SNX29: variants seen among roughly 807,000 people sequenced by gnomAD.
SNX29 encodes sorting nexin 29.
Under a neutral mutation model 102.1 loss-of-function variants are expected in SNX29, and 78 were observed. That is an observed-to-expected ratio of 0.76 (90% CI 0.64 to 0.92). The LOEUF is 0.92. Among genes scored for constraint, SNX29 ranks in the 40% least tolerant of loss-of-function variants. The pLI is 0.00. For missense variants in SNX29, 1,280 were observed against 1,061.7 expected, an observed-to-expected ratio of 1.21 and a Z score of -2.86; for synonymous variants, 580 against 414.5, an observed-to-expected ratio of 1.40 and a Z score of -4.85.
At chr16:12,254,429 C>A (rs1342215358) in intron 14 of SNX29, among the ~76,000 whole-genome samples, 16 of 152,100 alleles carry the variant, frequency 1.1e-4, no homozygotes, top group Non-Finnish European at 1.6e-4. Context: ...GCGGGCAGAT[C>A]ACTTGGGGTC....
In SNX29 at chr16:12,096,859, A is replaced by C. The variant is rs1157686599; in HGVS notation, c.1402+17944A>C. Among the ~76,000 whole-genome samples the C allele has an allele frequency of 6.6e-6, 1 of 152,128 alleles. No individual in the cohort carries two copies. Among genetic ancestry groups the C allele is most frequent in the Non-Finnish European group, 1.5e-5 (1 of 68,018 alleles). On this transcript the variant is annotated intron_variant, in intron 11 of 20. Transcript: ENST00000566228. The surrounding 1 kb of genome is among the most constrained non-coding windows in gnomAD (Gnocchi z 4.2). ...AGACCCTGGATTCCTTGCTCCCAGGAGGGGAAGGAGGAACCGATGACAGCA... is the reference window on the plus strand; with the variant it reads ...AGACCCTGGATTCCTTGCTCCCAGGCGGGGAAGGAGGAACCGATGACAGCA...
chr16:12,229,373 T>C (rs1358829879), intron 14 of SNX29, among the ~76,000 whole-genome samples: 1 of 152,208 alleles, frequency 6.6e-6, no homozygotes, highest in Non-Finnish European at 1.5e-5. Flanking sequence ...CTGGTCTGGA[T>C]CTAAATGAAC....
At chr16:11,986,561 G>A (rs1019672763) in intron 1 of SNX29, among the ~76,000 whole-genome samples, 2 of 152,080 alleles carry the variant, frequency 1.3e-5, no homozygotes, top group Admixed American at 6.5e-5. Context: ...CCGTTTGAGC[G>A]TTTCTGCTTA....
At chr16:12,334,901 C>CTT (rs36176543) in intron 15 of SNX29, among the ~76,000 whole-genome samples, 4,086 of 93,644 alleles carry the variant, frequency 0.044, 207 homozygotes, top group African/African-American at 0.12. Context: ...GCCCCAGAGC[C>CTT]TTTTTTTTTT....
At chr16:12,088,873 A>AG (rs1423689368) in intron 11 of SNX29, among the ~76,000 whole-genome samples, 1 of 152,070 alleles carries the variant, frequency 6.6e-6, no homozygotes, top group Non-Finnish European at 1.5e-5. Context: ...ATTACTCTTG[A>AG]GGTCAGGAGT....
At chr16:12,228,623 C>G (rs990324405) in intron 14 of SNX29, among the ~76,000 whole-genome samples, 3 of 152,240 alleles carry the variant, frequency 2.0e-5, no homozygotes, top group African/African-American at 7.2e-5. Context: ...CTTGCAAAAC[C>G]CTGCCTGACT....
intron 13 of SNX29, among the ~76,000 whole-genome samples, chr16:12,171,382 C>T (rs573002821): frequency 6.6e-6 from 1 of 152,194 alleles, no homozygotes; most frequent in East Asian, 1.9e-4. Flanking sequence ...TTTGGATCAT[C>T]CTGAGTCAGA....
At chr16:12,184,827 G>C (rs181572452) in intron 13 of SNX29, among the ~76,000 whole-genome samples, 36 of 152,352 alleles carry the variant, frequency 2.4e-4, no homozygotes, top group Non-Finnish European at 1.9e-4. Context: ...AGCAGTGACA[G>C]ACAGCTTGAG....
At chr16:12,492,616 C>T (rs535035572) in intron 19 of SNX29, among the ~76,000 whole-genome samples, 3 of 152,162 alleles carry the variant, frequency 2.0e-5, no homozygotes, top group Non-Finnish European at 4.4e-5. Context: ...ATGCCTATGT[C>T]CTGAATGGTA....
At chr16:12,391,273 A>G (rs1296508273) in intron 16 of SNX29, among the ~76,000 whole-genome samples, 1 of 152,204 alleles carries the variant, frequency 6.6e-6, no homozygotes, top group Non-Finnish European at 1.5e-5. Context: ...TAAAGAGCTG[A>G]TACATACCAC....
At chr16:12,312,644 C>G (rs770915892) in intron 15 of SNX29, among the ~76,000 whole-genome samples, 4 of 151,864 alleles carry the variant, frequency 2.6e-5, no homozygotes, top group Non-Finnish European at 5.9e-5. Context: ...TCCTCAAGAA[C>G]CTTCTTTGCT....
chr16:12,013,173 C>T (rs1048603688), intron 3 of SNX29, among the ~76,000 whole-genome samples: 1 of 151,676 alleles, frequency 6.6e-6, no homozygotes, highest in African/African-American at 2.4e-5. Flanking sequence ...GAAATAATGT[C>T]ATGGCTCTAC....
intron 14 of SNX29, among the ~76,000 whole-genome samples, chr16:12,218,078 CTAT>C (rs138312345): frequency 0.069 from 10,466 of 152,072 alleles, 563 homozygotes; most frequent in South Asian, 0.29. Flanking sequence ...ATGGAAGGCT[CTAT>C]TATTTGCAAT....
At chr16:12,482,121 C>G (rs547052914) in intron 19 of SNX29, among the ~76,000 whole-genome samples, 2 of 152,278 alleles carry the variant, frequency 1.3e-5, no homozygotes, top group African/African-American at 4.8e-5. Flanking sequence ...TGTGTTGATT[C>G]TACATTGGCC....
At chr16:12,403,702 C>T (rs1046478865) in intron 18 of SNX29, among the ~76,000 whole-genome samples, 173 bp downstream of exon 18, 4 of 152,166 alleles carry the variant, frequency 2.6e-5, no homozygotes, top group African/African-American at 9.7e-5. Context: ...CTGTGGCTTT[C>T]AGTTGGGCAG....
At chr16:12,553,234 A>G (rs1396310453) in intron 20 of SNX29, among the ~76,000 whole-genome samples, 2 of 152,174 alleles carry the variant, frequency 1.3e-5, no homozygotes, top group East Asian at 3.8e-4. Context: ...GGGACTTGAG[A>G]ATACAGAGAG....
intron 16 of SNX29, among the ~76,000 whole-genome samples, chr16:12,392,878 G>T (rs553137595): frequency 1.3e-5 from 2 of 152,324 alleles, no homozygotes; most frequent in African/African-American, 2.4e-5. Context: ...TTGTCCTGAA[G>T]GCGTGGATAG....
intron 13 of SNX29, among the ~76,000 whole-genome samples, chr16:12,135,029 A>G (rs546761741): frequency 6.6e-6 from 1 of 152,298 alleles, no homozygotes; most frequent in South Asian, 2.1e-4. Flanking sequence ...TGAAGGCATG[A>G]GAGCCAGGAG....
chr16:12,356,858 C>T (rs959078542), intron 16 of SNX29, among the ~76,000 whole-genome samples: 7 of 152,172 alleles, frequency 4.6e-5, no homozygotes, highest in Non-Finnish European at 5.9e-5. Flanking sequence ...AGCTTCACCT[C>T]GCCAGGTTTT....
Sources: allele counts gnomAD v4.1 joint callset (sites outside exome capture counted in the v4.1 genomes callset), GRCh38; gene constraint gnomAD v4.1.1; non-coding constraint Gnocchi (gnomAD v3.1); transcripts MANE v1.5; gene names NCBI Gene and HGNC (gene_info 2026-07-23, HGNC 2026-07-21).